MPV17: variants seen among roughly 807,000 people sequenced by gnomAD.
The protein encoded by MPV17 is MPV17, mitochondrial inner membrane protein.
In MPV17, 31 loss-of-function variants were observed where a neutral mutation model predicts 28.6. That is an observed-to-expected ratio of 1.08 (90% confidence interval 0.81 to 1.46). MPV17 has a LOEUF of 1.46. MPV17 is among the 40% of genes most tolerant of loss of function. MPV17 has a pLI of 0.00. For missense variants in MPV17, 198 were observed against 216.2 expected, an observed-to-expected ratio of 0.92 and a Z score of 0.53; for synonymous variants, 87 against 85.3, an observed-to-expected ratio of 1.02 and a Z score of -0.11.
intron 6 of MPV17, 118 bp downstream of exon 6, chr2:27,312,096 G>T (rs769714942): frequency 2.1e-6 from 3 of 1,449,622 alleles, no homozygotes; most frequent in South Asian, 2.3e-5. Flanking sequence ...TGCCCATCCT[G>T]GGAATGAAAG....
intron 1 of MPV17, among the ~76,000 whole-genome samples, chr2:27,322,840 T>C (rs1679907605): frequency 6.6e-6 from 1 of 152,244 alleles, no homozygotes; most frequent in Admixed American, 6.5e-5. Flanking sequence ...AGCTTTGCTC[T>C]GGCTTCTACC....
intron 2 of MPV17, 137 bp downstream of exon 2, chr2:27,322,311 A>T: frequency 2.5e-6 from 2 of 814,920 alleles, no homozygotes; most frequent in South Asian, 2.8e-5. Flanking sequence ...CAGACTGGGG[A>T]CAGTGTAGGA....
Position 27,317,681 on chromosome 2 carries a change from T to C in MPV17, c.71-4572A>G, listed in dbSNP as rs549096071. Among the ~76,000 whole-genome samples, 19 of 152,262 alleles carry C rather than the reference T, an allele frequency of 1.2e-4. No individual in the cohort carries two copies. In the South Asian group the frequency reaches 3.9e-3, roughly 32 times the overall value. ...CAGACTCCAGGGAAACCAGTATTTG[T>C]AAGAGCTCAGCTGCTCCCACAGCAG... is the stretch of plus-strand genomic sequence containing the variant. On this transcript the variant is annotated intron_variant, in intron 2 of 7. Transcript: ENST00000380044. The surrounding 1 kb of genome is among the most constrained non-coding windows in gnomAD (Gnocchi z 4.0).
At position 27,314,681 on chromosome 2, in the gene MPV17, C is replaced by A. The variant is rs113411524; in HGVS notation, c.71-1572G>T. On this transcript the variant is annotated intron_variant, in intron 2 of 7. Transcript: ENST00000380044. ...TTCTAGCAAATACACACTTACCAGG[C>A]CACTTGGGAGTGACCGTGTGATTTC... is the stretch of plus-strand genomic sequence containing the variant. Among the ~76,000 whole-genome samples the A allele has an allele frequency of 7.7e-3, 1,171 of 152,306 alleles. 21 individuals are homozygous for A. Among genetic ancestry groups the A allele is most frequent in the African/African-American group, 0.027 (1,105 of 41,552 alleles).
At chr2:27,316,705 G>A in intron 2 of MPV17, 1 of 229,486 alleles carries the variant, frequency 4.4e-6, no homozygotes, top group Non-Finnish European at 8.5e-6. Flanking sequence ...GGACTCTCCA[G>A]TGCTCTGGGC....
chr2:27,317,127 G>A lies in MPV17; in HGVS notation c.71-4018C>T, dbSNP rs1679685925. On this transcript the variant is annotated intron_variant, in intron 2 of 7. Transcript: ENST00000380044. This position sits in a 1 kb window ranked among gnomAD's most constrained non-coding sequence, Gnocchi z 4.0. ...GCAGAAGGCAGAGGGGCAAGAAGTG[G>A]CTTCTTGGAGTGAGGAGCAGGAAGC... 6.5e-7 allele frequency: 1 copy of A among 1,550,002 alleles called. No homozygotes were observed. The highest frequency in any genetic ancestry group is 8.7e-7 in the Non-Finnish European group (1 of 1,146,880).
chr2:27,311,886 G>C lies in MPV17; in HGVS notation c.461+13C>G, dbSNP rs755613664. 5.0e-6 allele frequency: 8 copies of C among 1,613,272 alleles called. No homozygotes were observed. The African/African-American group carries it at 1.1e-4, about 22-fold the overall frequency. ...GGGTCTTCCTTGATGGGTGGGGTAG[G>C]GGTGCAACATACCTGTAATGAAGGG... On this transcript the variant is annotated intron_variant, in intron 7 of 7. Transcript: ENST00000380044.
chr2:27,322,482 G>A lies in MPV17; in HGVS notation c.36C>T (p.Ala12=), dbSNP rs1229332602. 1.2e-6 allele frequency: 2 copies of A among 1,613,960 alleles called. No homozygotes were observed. Among genetic ancestry groups the A allele is most frequent in the East Asian group, 2.2e-5 (1 of 44,900 alleles). The change falls in exon 2 of 8, where the codon GCC becomes GCT. Residue 12 remains alanine (A), a synonymous_variant. Coordinates refer to ENST00000380044, the MANE Select transcript of MPV17 (RefSeq NM_002437.5). ...ALWRAYQRAL[A]AHPWKVQVLT... is the part of the protein sequence containing the mutation. Reference sequence around the variant, plus strand: ...GGACCTGTACTTTCCACGGGTGAGCGGCCAGGGCCCGCTGGTATGCCCGCC... The same window carrying A: ...GGACCTGTACTTTCCACGGGTGAGCAGCCAGGGCCCGCTGGTATGCCCGCC...
At position 27,317,017 on chromosome 2, in the gene MPV17, C is replaced by T. The variant is rs1679679413; in HGVS notation, c.71-3908G>A. The T allele has an allele frequency of 1.4e-6, 2 of 1,455,624 alleles. No homozygotes were observed. Among genetic ancestry groups the T allele is most frequent in the Non-Finnish European group, 9.2e-7 (1 of 1,082,260 alleles). 90.2% of individuals were successfully genotyped at this position (1,455,624 alleles called of 1,614,324 possible). A position where few individuals can be genotyped will look rare whatever the true frequency, so the allele number is the denominator to read the frequency against. ...AGTGGAAAAGCCCCAACTTCCACAC[C>T]CTCTTCCCGGGCATGGGCAGGGTAA... On this transcript the variant is annotated intron_variant, in intron 2 of 7. Transcript: ENST00000380044. This position sits in a 1 kb window ranked among gnomAD's most constrained non-coding sequence, Gnocchi z 4.0.
At chr2:27,313,178 C>T in intron 2 of MPV17, 69 bp from the exon 3 acceptor site, 1 of 1,610,644 alleles carries the variant, frequency 6.2e-7, no homozygotes, top group Non-Finnish European at 8.5e-7. Context: ...GAGGGAGGGA[C>T]ATCTGCTGAC....
rs576790792 is a variant in MPV17 at position 27,318,397 on chromosome 2, G to A, written c.70+4051C>T. Among the ~76,000 whole-genome samples the A allele has an allele frequency of 6.3e-4, 92 of 146,610 alleles. 1 individual carries two copies. The South Asian group carries it at 0.018, about 29-fold the overall frequency. On this transcript the variant is annotated intron_variant, in intron 2 of 7. Transcript: ENST00000380044. ...TTTTCAGATGGAGTCTCGCTCTGTCGTCCAGGCTGGAGTGCAGTGGCAGGA... is the reference window on the plus strand; with the variant it reads ...TTTTCAGATGGAGTCTCGCTCTGTCATCCAGGCTGGAGTGCAGTGGCAGGA...
At chr2:27,313,397 AAGG>A (rs1211099297) in intron 2 of MPV17, 1 of 623,560 alleles carries the variant, frequency 1.6e-6, no homozygotes, top group Non-Finnish European at 2.8e-6. Flanking sequence ...TAGAGAGAGG[AAGG>A]AGAATTTAAG....
rs763757825 is a variant in MPV17 at position 27,312,249 on chromosome 2, G to A, written c.376-3C>T. On this transcript the variant is annotated splice_region_variant and splice_polypyrimidine_tract_variant and intron_variant, in intron 5 of 7. Coordinates refer to ENST00000380044, the MANE Select transcript of MPV17 (RefSeq NM_002437.5). ...GTGATAAGGGCATCAGGATAATCCT[G>A]GGGAGACAGAGAAGGAACAAATTAA... The A allele has an allele frequency of 1.2e-6, 2 of 1,613,968 alleles. No individual in the cohort carries two copies. The highest frequency in any genetic ancestry group is 1.7e-6 in the Non-Finnish European group (2 of 1,179,856).
chr2:27,311,779 C>T (rs1199521793), intron 7 of MPV17, 120 bp downstream of exon 7: 4 of 1,563,616 alleles, frequency 2.6e-6, no homozygotes, highest in South Asian at 1.2e-5. Context: ...GAACTCTGAT[C>T]ACGGCTCAGT....
In MPV17 at chr2:27,309,794, A is replaced by C; in HGVS notation, c.*118T>G. 1.3e-6 allele frequency: 1 copy of C among 779,728 alleles called. No homozygotes were observed. Among genetic ancestry groups the C allele is most frequent in the Non-Finnish European group, 2.3e-6 (1 of 438,252 alleles). The allele number at this position is 779,728 out of a possible 1,614,324, so 48.3% of individuals were successfully genotyped here. The stretch of plus-strand genomic sequence containing the variant: ...GCATTGCAGGGTGCTAGTCCTCTTA[A>C]GCTCTGACCGGCAACCCAACCCCGT... On this transcript the variant is annotated 3_prime_UTR_variant, in exon 8 of 8. Transcript: ENST00000380044.
At position 27,311,882 on chromosome 2, in the gene MPV17, G is replaced by A; in HGVS notation, c.461+17C>T. On this transcript the variant is annotated intron_variant, in intron 7 of 7. Transcript: ENST00000380044. ...ACGTGGGTCTTCCTTGATGGGTGGG[G>A]TAGGGGTGCAACATACCTGTAATGA... is the stretch of plus-strand genomic sequence containing the variant. The A allele has an allele frequency of 6.2e-7, 1 of 1,613,140 alleles. No homozygotes were observed. The highest frequency in any genetic ancestry group is 8.5e-7 in the Non-Finnish European group (1 of 1,179,568).
chr2:27,315,900 T>A (rs1679632903), intron 2 of MPV17: 1 of 1,425,718 alleles, frequency 7.0e-7, no homozygotes, highest in East Asian at 2.5e-5. Flanking sequence ...AGAGATGAGA[T>A]GACTTGGTAA....
chr2:27,311,687 T>G (rs1558598243), intron 7 of MPV17: 2 of 1,550,766 alleles, frequency 1.3e-6, no homozygotes, highest in Middle Eastern at 1.7e-4. Context: ...CCTAGGGAGA[T>G]GAAGAAGGTC....
At chr2:27,315,734 G>GT (rs1572547518) in intron 2 of MPV17, 1 of 234,160 alleles carries the variant, frequency 4.3e-6, no homozygotes, top group East Asian at 1.4e-4. Context: ...GCTGATTTTT[G>GT]TATTTTTAGT....
Sources: allele counts gnomAD v4.1 joint callset (sites outside exome capture counted in the v4.1 genomes callset), GRCh38; gene constraint gnomAD v4.1.1; non-coding constraint Gnocchi (gnomAD v3.1); transcripts MANE v1.5; gene names NCBI Gene and HGNC (gene_info 2026-07-23, HGNC 2026-07-21).